RAB8B: variants seen among roughly 807,000 people sequenced by gnomAD.
RAB8B encodes the protein RAB8B, member RAS oncogene family.
RAB8B carries 11 observed loss-of-function variants against 32.0 expected under a neutral mutation model. The ratio of observed to expected loss-of-function variants is 0.34; its 90% CI spans 0.22 to 0.57. RAB8B has a LOEUF of 0.57. RAB8B is among the 20% of genes least tolerant of loss of function. The pLI, the probability that RAB8B is intolerant of heterozygous loss-of-function variation, is 0.86. For synonymous variants in RAB8B, 103 were observed against 89.6 expected (o/e 1.15, Z -0.85); for missense variants, 190 against 258.5 (o/e 0.73, Z 1.82).
At position 63,190,533 on chromosome 15, in the gene RAB8B, C is replaced by T. The variant is rs2037547400; in HGVS notation, c.124+785C>T. On this transcript the variant is annotated intron_variant, in intron 1 of 7. Transcript: ENST00000321437. Reference sequence around the variant, plus strand: ...AGAGAGGAAATGGAAAGTAGTGGGGCGCAAGACTTGCTATAGTAACTGATT... The same window carrying T: ...AGAGAGGAAATGGAAAGTAGTGGGGTGCAAGACTTGCTATAGTAACTGATT... 6.6e-5 allele frequency among the ~76,000 whole-genome samples: 10 copies of T among 152,154 alleles called. No individual in the cohort carries two copies. In the South Asian group the frequency reaches 2.1e-3, roughly 32 times the overall value.
intron 1 of RAB8B, among the ~76,000 whole-genome samples, chr15:63,192,336 A>G (rs1254163398): frequency 6.6e-6 from 1 of 152,180 alleles, no homozygotes; most frequent in Non-Finnish European, 1.5e-5. Flanking sequence ...ACAAGTATAG[A>G]TTTTGAGTGT....
intron 1 of RAB8B, chr15:63,222,989 G>A (rs542578392): frequency 7.0e-5 from 32 of 454,876 alleles, no homozygotes; most frequent in East Asian, 5.6e-4. Flanking sequence ...GTAGTGTACA[G>A]TAATGTCCTA....
chr15:63,242,584 G>A (rs756641959), intron 1 of RAB8B, among the ~76,000 whole-genome samples: 10 of 152,062 alleles, frequency 6.6e-5, no homozygotes, highest in Non-Finnish European at 1.2e-4. Context: ...AGGCTGAGGC[G>A]GGAGAATCAC....
rs56015501 is a variant in RAB8B, at chr15:63,229,780, CAAAAAAAAAAAAAAA to C, written c.125-14960_125-14946del. 3.6e-3 allele frequency among the ~76,000 whole-genome samples: 131 copies of C among 35,988 alleles called. 3 individuals are homozygous for C. The highest frequency in any genetic ancestry group is 0.011 in the African/African-American group (119 of 11,186). 23.6% of individuals were successfully genotyped at this position (35,988 alleles called of 152,430 possible). ...TAGGTGACAGAGCAAGACGCTGTTTCAAAAAAAAAAAAAAAAAAAAAAAAAAAAAAGAAGCCAAAC... is the reference window on the plus strand; with the variant it reads ...TAGGTGACAGAGCAAGACGCTGTTTCAAAAAAAAAAAAAAAGAAGCCAAAC... On this transcript the variant is annotated intron_variant, in intron 1 of 7. Coordinates refer to ENST00000321437, the MANE Select transcript of RAB8B (RefSeq NM_016530.3).
intron 2 of RAB8B, among the ~76,000 whole-genome samples, chr15:63,246,087 G>A (rs1412463601): frequency 3.3e-5 from 5 of 152,142 alleles, no homozygotes; most frequent in Non-Finnish European, 7.3e-5. Flanking sequence ...TTAGCCAGCT[G>A]GTCTTGAACT....
intron 7 of RAB8B, 61 bp from the exon 8 acceptor site, chr15:63,263,466 G>A: frequency 7.8e-7 from 1 of 1,277,568 alleles, no homozygotes; most frequent in Non-Finnish European, 1.1e-6. Context: ...TATTTTTTAG[G>A]TAACTGAGGT....
chr15:63,204,642 A>G (rs1388578764), intron 1 of RAB8B, among the ~76,000 whole-genome samples: 2 of 152,226 alleles, frequency 1.3e-5, no homozygotes, highest in African/African-American at 4.8e-5. Flanking sequence ...GCTGATTTTA[A>G]TGGAGTAAAT....
intron 1 of RAB8B, among the ~76,000 whole-genome samples, chr15:63,217,731 T>C (rs35446744): frequency 0.064 from 9,777 of 152,310 alleles, 435 homozygotes; most frequent in Middle Eastern, 0.14. Flanking sequence ...GAGGAAAATC[T>C]AAACAATTTA....
rs567818051 is a variant in RAB8B at position 63,211,587 on chromosome 15, TATCTTCTTAAA to T, written c.124+21841_124+21851del. On this transcript the variant is annotated intron_variant, in intron 1 of 7. Transcript: ENST00000321437. The stretch of plus-strand genomic sequence containing the variant: ...GTTTAGTATTTACTTTCTTTAAATG[TATCTTCTTAAA>T]AGTACAGGTAGTGTGGTAGAGTTCA... 3.1e-3 allele frequency among the ~76,000 whole-genome samples: 478 copies of T among 152,362 alleles called. 4 individuals are homozygous for T. Among genetic ancestry groups the T allele is most frequent in the South Asian group, 0.014 (66 of 4,832 alleles).
Position 63,259,976 on chromosome 15 carries a change from A to G in RAB8B, c.480+284A>G, listed in dbSNP as rs928708179. 1.3e-5 allele frequency among the ~76,000 whole-genome samples: 2 copies of G among 152,094 alleles called. No individual in the cohort carries two copies. The highest frequency in any genetic ancestry group is 2.9e-5 in the Non-Finnish European group (2 of 68,028). On this transcript the variant is annotated intron_variant, in intron 6 of 7. Transcript: ENST00000321437. The surrounding 1 kb of genome is among the most constrained non-coding windows in gnomAD (Gnocchi z 4.4). The stretch of plus-strand genomic sequence containing the variant: ...CAGCCTCCCGAGTAGCTGGTACTAT[A>G]GGTGTGCATCACCACGCCCAGCTAA...
In RAB8B at chr15:63,263,749, A is replaced by C. The variant is rs1567022809; in HGVS notation, c.*130A>C. On this transcript the variant is annotated 3_prime_UTR_variant, in exon 8 of 8. Transcript: ENST00000321437. The stretch of plus-strand genomic sequence containing the variant: ...GAGCACCACTGAACTTAGACCTCTC[A>C]ACACAGTATGCCAAGTGGATTCCAG... 1.5e-6 allele frequency: 1 copy of C among 650,336 alleles called. No homozygotes were observed. Among genetic ancestry groups the C allele is most frequent in the African/African-American group, 1.8e-5 (1 of 54,704 alleles). 40.3% of individuals were successfully genotyped at this position (650,336 alleles called of 1,614,324 possible).
At chr15:63,189,783 G>T in intron 1 of RAB8B, 35 bp downstream of exon 1, 1 of 681,324 alleles carries the variant, frequency 1.5e-6, no homozygotes, top group Non-Finnish European at 2.4e-6. Flanking sequence ...ACCGGGTAGA[G>T]AATTGGGGGG....
chr15:63,195,208 A>G (rs2093333292), intron 1 of RAB8B, among the ~76,000 whole-genome samples: 1 of 152,128 alleles, frequency 6.6e-6, no homozygotes, highest in South Asian at 2.1e-4. Context: ...CAAAGCTGCC[A>G]GTAGATTTCC....
At chr15:63,237,067 A>C (rs2037986928) in intron 1 of RAB8B, among the ~76,000 whole-genome samples, 1 of 152,280 alleles carries the variant, frequency 6.6e-6, no homozygotes, top group African/African-American at 2.4e-5. Flanking sequence ...TGTTGATGCA[A>C]ATGACAGGAT....
intron 1 of RAB8B, among the ~76,000 whole-genome samples, chr15:63,197,235 G>A (rs2037607873): frequency 6.6e-6 from 1 of 150,748 alleles, no homozygotes; most frequent in African/African-American, 2.4e-5. Context: ...TAGTACTGAT[G>A]TTTATGGTTA....
chr15:63,206,105 G>C (rs1359174323), intron 1 of RAB8B, among the ~76,000 whole-genome samples: 1 of 152,160 alleles, frequency 6.6e-6, no homozygotes, highest in African/African-American at 2.4e-5. Flanking sequence ...CTGCAGTAGT[G>C]ATATCTCTTT....
chr15:63,253,672 G>GA (rs756041929), intron 3 of RAB8B, among the ~76,000 whole-genome samples: 20 of 151,420 alleles, frequency 1.3e-4, no homozygotes, highest in Non-Finnish European at 2.4e-4. Flanking sequence ...AAGAAAGAAA[G>GA]AAAAAAAAGA....
intron 1 of RAB8B, among the ~76,000 whole-genome samples, chr15:63,212,748 G>A (rs1325665325): frequency 1.3e-5 from 2 of 152,132 alleles, no homozygotes; most frequent in East Asian, 3.8e-4. Context: ...ATTGCTTCAT[G>A]ATTGGTGTAT....
At chr15:63,246,024 T>C (rs2152577735) in intron 2 of RAB8B, among the ~76,000 whole-genome samples, 1 of 152,244 alleles carries the variant, frequency 6.6e-6, no homozygotes, top group African/African-American at 2.4e-5. Flanking sequence ...AGGCATGCGC[T>C]ACCACGCCCT....
Sources: allele counts gnomAD v4.1 joint callset (sites outside exome capture counted in the v4.1 genomes callset), GRCh38; gene constraint gnomAD v4.1.1; non-coding constraint Gnocchi (gnomAD v3.1); transcripts MANE v1.5; gene names NCBI Gene and HGNC (gene_info 2026-07-23, HGNC 2026-07-21).